The following GPD1L variants were observed in gnomAD, a reference collection of about 807,000 sequenced individuals.
GPD1L encodes glycerol-3-phosphate dehydrogenase 1 like, also known as glycerol-3-phosphate dehydrogenase 1-like protein.
GPD1L carries 17 observed loss-of-function variants against 32.9 expected under a neutral mutation model. The observed-to-expected ratio is 0.52, with a 90% confidence interval of 0.35 to 0.78. The LOEUF (loss-of-function observed/expected upper bound fraction) is 0.78. GPD1L is among the 30% of genes least tolerant of loss of function. The probability of loss-of-function intolerance (pLI) is 0.01; values close to 1 mark genes in which losing one functional copy is unlikely to be tolerated. For missense variants in GPD1L, 361 were observed against 447.8 expected (o/e 0.81, Z 1.75); for synonymous variants, 187 against 165.9 (o/e 1.13, Z -0.98).
Position 32,140,329 on chromosome 3 carries a change from T to C in GPD1L, c.468T>C (p.Asn156=), listed in dbSNP as rs1700724924. The part of the protein sequence containing the change: ...ISVLMGANIA[N]EVAAEKFCET... ...TGCTGATGGGAGCCAACATTGCCAA[T>C]GAGGTGGCTGCAGAGAAGTTCTGTG... is the stretch of plus-strand genomic sequence containing the variant. Residue 156 remains asparagine (N), a synonymous_variant, in exon 4 of 8, where the codon AAT becomes AAC. Transcript: ENST00000282541. The C allele has an allele frequency of 6.2e-7, 1 of 1,614,152 alleles. No homozygotes were observed. The highest frequency in any genetic ancestry group is 8.5e-7 in the Non-Finnish European group (1 of 1,180,016).
chr3:32,122,833 T>C (rs1006559272), intron 1 of GPD1L, among the ~76,000 whole-genome samples: 2 of 152,228 alleles, frequency 1.3e-5, no homozygotes, highest in African/African-American at 4.8e-5. Flanking sequence ...GCAGCACCCT[T>C]ATGGCTTTGG....
chr3:32,163,698 G>A (rs188468806), intron 7 of GPD1L, among the ~76,000 whole-genome samples: 1 of 152,212 alleles, frequency 6.6e-6, no homozygotes, highest in East Asian at 1.9e-4. Context: ...CTACCTCATG[G>A]GGTGATTGTA....
At chr3:32,138,530 G>A in intron 2 of GPD1L, 57 bp from the exon 3 acceptor site, 2 of 1,541,124 alleles carry the variant, frequency 1.3e-6, no homozygotes, top group Non-Finnish European at 1.8e-6. Flanking sequence ...GAAACCTTGT[G>A]GACAGGCAAG....
intron 2 of GPD1L, among the ~76,000 whole-genome samples, chr3:32,131,272 TA>T (rs1483686078): frequency 1.3e-5 from 2 of 152,322 alleles, no homozygotes; most frequent in Admixed American, 6.5e-5. Context: ...CACTGAGATA[TA>T]ATCCACAGAC....
In GPD1L at chr3:32,167,597, T is replaced by C. The variant is rs1457207625; in HGVS notation, c.*1687T>C. The C allele has an allele frequency of 6.6e-6, 1 of 152,658 alleles. No homozygotes were observed. The highest frequency in any genetic ancestry group is 1.5e-5 in the Non-Finnish European group (1 of 68,046). 9.5% of individuals were successfully genotyped at this position (152,658 alleles called of 1,614,324 possible). ...TGTAGAATTAGAATGGGATTTACTG[T>C]ACTGTTTTAAATGAGATTGGCTTCA... On this transcript the variant is annotated 3_prime_UTR_variant, in exon 8 of 8. Transcript: ENST00000282541.
rs1200386139 is a variant in GPD1L at position 32,106,871 on chromosome 3, G to C, written c.47+113G>C. The C allele has an allele frequency of 9.8e-7, 1 of 1,022,486 alleles. No individual in the cohort carries two copies. Among genetic ancestry groups the C allele is most frequent in the Admixed American group, 3.9e-5 (1 of 25,890 alleles). The allele number at this position is 1,022,486 out of a possible 1,614,324, so 63.3% of individuals were successfully genotyped here. A position where few individuals can be genotyped will look rare whatever the true frequency, so the allele number is the denominator to read the frequency against. ...GTGGGCACCGGGCACTGCGCGCAGG[G>C]AGGCGGGGTGGGCGACCTCGTTGCT... On this transcript the variant is annotated intron_variant, in intron 1 of 7. Transcript: ENST00000282541. The surrounding 1 kb of genome is among the most constrained non-coding windows in gnomAD (Gnocchi z 4.0).
At chr3:32,111,033 G>A (rs1488854084) in intron 1 of GPD1L, among the ~76,000 whole-genome samples, 2 of 152,128 alleles carry the variant, frequency 1.3e-5, no homozygotes, top group African/African-American at 2.4e-5. Flanking sequence ...GCCCGGCTAA[G>A]TTTTATATTT....
chr3:32,133,325 G>T (rs2125481973), intron 2 of GPD1L, among the ~76,000 whole-genome samples: 1 of 152,230 alleles, frequency 6.6e-6, no homozygotes, highest in East Asian at 1.9e-4. Context: ...CTTTTATTTG[G>T]CTTATCCTTG....
At chr3:32,128,338 G>A (rs1700542642) in intron 2 of GPD1L, 85 bp downstream of exon 2, 1 of 1,107,828 alleles carries the variant, frequency 9.0e-7, no homozygotes, top group Non-Finnish European at 1.4e-6. Context: ...AACTGGGAAA[G>A]CTGCTTCCCT....
intron 1 of GPD1L, among the ~76,000 whole-genome samples, chr3:32,109,809 C>T (rs1051415773): frequency 2.6e-5 from 4 of 152,224 alleles, no homozygotes; most frequent in Non-Finnish European, 5.9e-5. Flanking sequence ...AACAACTTAC[C>T]TTCAGGTCTG....
At position 32,167,819 on chromosome 3, in the gene GPD1L, A is replaced by G. The variant is rs190927066; in HGVS notation, c.*1909A>G. 3.2e-4 allele frequency: 49 copies of G among 152,344 alleles called. No individual in the cohort carries two copies. Among genetic ancestry groups the G allele is most frequent in the African/African-American group, 1.2e-3 (49 of 41,560 alleles). The allele number at this position is 152,344 out of a possible 1,614,324, so 9.4% of individuals were successfully genotyped here. Reference sequence around the variant, plus strand: ...CATGGGAATTTTAAAAACTCTATCCAAAACATTTTTGGAGCATTTTAAAGC... The same window carrying G: ...CATGGGAATTTTAAAAACTCTATCCGAAACATTTTTGGAGCATTTTAAAGC... On this transcript the variant is annotated 3_prime_UTR_variant, in exon 8 of 8. Coordinates refer to ENST00000282541, the MANE Select transcript of GPD1L (RefSeq NM_015141.4).
intron 7 of GPD1L, 134 bp downstream of exon 7, chr3:32,159,808 G>A (rs1308680506): frequency 1.4e-5 from 10 of 707,612 alleles, no homozygotes; most frequent in Non-Finnish European, 2.4e-5. Flanking sequence ...TCAGTCCTTT[G>A]TGTGATGTGA....
At chr3:32,130,614 A>G (rs1700573826) in intron 2 of GPD1L, among the ~76,000 whole-genome samples, 1 of 152,178 alleles carries the variant, frequency 6.6e-6, no homozygotes, top group Non-Finnish European at 1.5e-5. Context: ...TTGCCTGCTC[A>G]CTAAAAGCTG....
chr3:32,111,777 C>T (rs1700249712), intron 1 of GPD1L, among the ~76,000 whole-genome samples: 1 of 150,900 alleles, frequency 6.6e-6, no homozygotes, highest in African/African-American at 2.4e-5. Context: ...CTTTGGCCCA[C>T]TTTGCTCTGA....
chr3:32,145,584 A>G (rs11129497), intron 4 of GPD1L, among the ~76,000 whole-genome samples: 63,062 of 151,652 alleles, frequency 0.42, 13,887 homozygotes, highest in African/African-American at 0.55. Flanking sequence ...GACTTGAGGG[A>G]GGGGCTGGTC....
At chr3:32,133,754 G>T (rs999363184) in intron 2 of GPD1L, among the ~76,000 whole-genome samples, 1 of 152,116 alleles carries the variant, frequency 6.6e-6, no homozygotes, top group Non-Finnish European at 1.5e-5. Context: ...TCTTTTTCTT[G>T]CCCACTCTGA....
rs372500383 is a variant in GPD1L, at chr3:32,165,926, G to A, written c.*16G>A. On this transcript the variant is annotated 3_prime_UTR_variant, in exon 8 of 8. Transcript: ENST00000282541. ...GCATACATAAAGTGAATCATGCAAC[G>A]TGTTGGGGGAAGTTCTGCCTTTCTG... 3.3e-5 allele frequency: 45 copies of A among 1,382,342 alleles called. No homozygotes were observed. In the African/African-American group the frequency reaches 4.7e-4, roughly 14 times the overall value. 85.6% of individuals were successfully genotyped at this position (1,382,342 alleles called of 1,614,324 possible).
At chr3:32,122,072 C>A (rs1402847242) in intron 1 of GPD1L, among the ~76,000 whole-genome samples, 2 of 152,104 alleles carry the variant, frequency 1.3e-5, no homozygotes, top group Non-Finnish European at 2.9e-5. Context: ...CGCAGCAGCA[C>A]AGTTACATTT....
chr3:32,125,651 G>A (rs1700496397), intron 1 of GPD1L, among the ~76,000 whole-genome samples: 1 of 152,150 alleles, frequency 6.6e-6, no homozygotes, highest in African/African-American at 2.4e-5. Flanking sequence ...AACCACATCT[G>A]CTTCCACTTT....
Sources: gnomAD v4.1 joint callset for allele counts (sites outside exome capture counted in the v4.1 genomes callset) on GRCh38, gnomAD v4.1.1 for gene constraint, Gnocchi (gnomAD v3.1) non-coding constraint, MANE v1.5 for transcripts, NCBI Gene and HGNC (gene_info 2026-07-23, HGNC 2026-07-21) for gene names.